Variants in LRP1B observed in about 807,000 individuals in gnomAD.
LRP1B encodes the protein LDL receptor related protein 1B, also known as low-density lipoprotein receptor-related protein 1B.
In LRP1B, 217 loss-of-function variants were observed where a neutral mutation model predicts 556.6. That is an observed-to-expected ratio of 0.39 (90% confidence interval 0.35 to 0.44). The LOEUF is 0.44. Ranked by LOEUF, LRP1B falls within the 20% of genes least tolerant of loss-of-function variation. LRP1B has a pLI of 1.00. For missense variants in LRP1B, 5,053 were observed against 5,620.8 expected (o/e 0.90, Z 3.23); for synonymous variants, 2,047 against 1,865.8 (o/e 1.10, Z -2.50).
intron 2 of LRP1B, among the ~76,000 whole-genome samples, chr2:141,538,868 ACCT>A (rs145898719): frequency 0.013 from 2,007 of 152,164 alleles, 49 homozygotes; most frequent in African/African-American, 0.045. Flanking sequence ...TGAACTCATA[ACCT>A]CAGGTGATCC....
Position 140,339,190 on chromosome 2 carries a change from G to T in LRP1B, c.11893-3352C>A, listed in dbSNP as rs529358124. On this transcript the variant is annotated intron_variant, in intron 77 of 90. Transcript: ENST00000389484. ...CAGCTTGATTGTAACAAAATTAGAGGTTACTAGTTTAAATTACTAATCCTT... is the reference window on the plus strand; with the variant it reads ...CAGCTTGATTGTAACAAAATTAGAGTTTACTAGTTTAAATTACTAATCCTT... Among the ~76,000 whole-genome samples the T allele has an allele frequency of 2.6e-5, 4 of 151,814 alleles. No homozygotes were observed. The East Asian group carries it at 7.8e-4, about 30-fold the overall frequency.
At chr2:141,202,893 G>A (rs770063419) in intron 6 of LRP1B, among the ~76,000 whole-genome samples, 2 of 151,364 alleles carry the variant, frequency 1.3e-5, no homozygotes, top group Non-Finnish European at 2.9e-5. Flanking sequence ...CCCACCCCCC[G>A]ACAGGCCCTG....
chr2:141,045,442 T>A (rs954589018), intron 11 of LRP1B, among the ~76,000 whole-genome samples: 7 of 58,312 alleles, frequency 1.2e-4, no homozygotes, highest in South Asian at 7.7e-4. Flanking sequence ...ATAAATTAAT[T>A]AATTAATTAA....
intron 32 of LRP1B, among the ~76,000 whole-genome samples, chr2:140,802,083 A>G (rs760529379): frequency 1.3e-5 from 2 of 152,202 alleles, no homozygotes; most frequent in Non-Finnish European, 2.9e-5. Flanking sequence ...GAACCGCTAT[A>G]GAAAAAAAAT....
chr2:140,467,716 G>T (rs978771001), intron 60 of LRP1B, among the ~76,000 whole-genome samples: 1 of 151,416 alleles, frequency 6.6e-6, no homozygotes, highest in Non-Finnish European at 1.5e-5. Context: ...CACAGAAATT[G>T]ATTGAATTGT....
chr2:140,775,373 T>C (rs1367001713), intron 33 of LRP1B, among the ~76,000 whole-genome samples: 2 of 151,904 alleles, frequency 1.3e-5, no homozygotes, highest in African/African-American at 2.4e-5. Flanking sequence ...TTCAAAATCA[T>C]TCTGGAAAAC....
At chr2:140,353,640 C>A (rs1682075198) in intron 75 of LRP1B, among the ~76,000 whole-genome samples, 1 of 152,108 alleles carries the variant, frequency 6.6e-6, no homozygotes, top group Admixed American at 6.6e-5. Context: ...TGGTCTCCAA[C>A]CATATATGGG....
intron 7 of LRP1B, among the ~76,000 whole-genome samples, chr2:141,126,559 T>C (rs1701217794): frequency 6.6e-6 from 1 of 152,172 alleles, no homozygotes; most frequent in Non-Finnish European, 1.5e-5. Context: ...GTTTTTTTTC[T>C]TCCTTACTCA....
intron 2 of LRP1B, among the ~76,000 whole-genome samples, chr2:141,628,512 T>C (rs1044182718): frequency 3.3e-5 from 5 of 152,202 alleles, no homozygotes; most frequent in African/African-American, 9.6e-5. Flanking sequence ...GAGTGACCTA[T>C]GAAATTTTAA....
intron 2 of LRP1B, among the ~76,000 whole-genome samples, chr2:141,584,971 G>A (rs1472773678): frequency 2.6e-5 from 4 of 151,910 alleles, no homozygotes; most frequent in Admixed American, 6.6e-5. Context: ...CTGGAGAGCT[G>A]ACTCACAAAA....
intron 6 of LRP1B, among the ~76,000 whole-genome samples, chr2:141,209,877 A>G (rs1682468317): frequency 6.6e-6 from 1 of 152,208 alleles, no homozygotes; most frequent in Non-Finnish European, 1.5e-5. Context: ...ACTGAGGGGA[A>G]AGTATGTTTA....
chr2:140,700,255 A>G lies in LRP1B; in HGVS notation c.6794T>C (p.Val2265Ala). The G allele has an allele frequency of 6.2e-7, 1 of 1,609,040 alleles. No homozygotes were observed. The highest frequency in any genetic ancestry group is 1.1e-5 in the South Asian group (1 of 90,794). The change falls in exon 41 of 91, where the codon GTT (valine) becomes GCT (alanine). Residue 2265 changes from valine to alanine, a missense_variant. Transcript: ENST00000389484. ...AATTGAATTACTGTACTTACTTTCA[A>G]CAATTACTTGTCTGTCTTCCCAGTT... ...KDNWEDRQVI[V>A]ENVGSVEGLA...
At chr2:141,881,200 G>T (rs931237752) in intron 1 of LRP1B, among the ~76,000 whole-genome samples, 1 of 152,072 alleles carries the variant, frequency 6.6e-6, no homozygotes, top group Non-Finnish European at 1.5e-5. Flanking sequence ...AAAAGCAAAG[G>T]TATTGCTGAA....
At chr2:141,531,817 G>C (rs905021941) in intron 2 of LRP1B, among the ~76,000 whole-genome samples, 1 of 151,598 alleles carries the variant, frequency 6.6e-6, no homozygotes, top group African/African-American at 2.4e-5. Context: ...TGAATATACA[G>C]ATGTCAAAAT....
intron 43 of LRP1B, among the ~76,000 whole-genome samples, chr2:140,581,977 T>C (rs1250326624): frequency 6.6e-6 from 1 of 152,158 alleles, no homozygotes; most frequent in Non-Finnish European, 1.5e-5. Flanking sequence ...ATGAGTCCCA[T>C]GTCTTGGAGA....
chr2:141,670,371 A>T (rs1690620455), intron 2 of LRP1B, among the ~76,000 whole-genome samples: 1 of 152,240 alleles, frequency 6.6e-6, no homozygotes, highest in Admixed American at 6.5e-5. Context: ...GTATAAAAAT[A>T]ACACTTTATT....
intron 1 of LRP1B, among the ~76,000 whole-genome samples, chr2:141,923,788 A>T (rs552159331): frequency 6.6e-6 from 1 of 151,928 alleles, no homozygotes; most frequent in Non-Finnish European, 1.5e-5. Flanking sequence ...AGGTATTTTG[A>T]TACTTAAACA....
intron 41 of LRP1B, among the ~76,000 whole-genome samples, chr2:140,618,691 T>C (rs1683342964): frequency 6.6e-6 from 1 of 152,070 alleles, no homozygotes; most frequent in Non-Finnish European, 1.5e-5. Flanking sequence ...CTAAACAAGT[T>C]TGTAAGTTTA....
At chr2:141,966,944 T>G (rs1486621012) in intron 1 of LRP1B, among the ~76,000 whole-genome samples, 3 of 151,856 alleles carry the variant, frequency 2.0e-5, no homozygotes, top group Admixed American at 6.6e-5. Flanking sequence ...TCCATATTCT[T>G]GCTAAATCAG....
Sources: gnomAD v4.1 joint callset for allele counts (sites outside exome capture counted in the v4.1 genomes callset) on GRCh38, gnomAD v4.1.1 for gene constraint, MANE v1.5 for transcripts, NCBI Gene and HGNC (gene_info 2026-07-23, HGNC 2026-07-21) for gene names.